TESK2: variants seen among roughly 807,000 people sequenced by gnomAD.
TESK2 encodes testis associated actin remodelling kinase 2, also known as dual specificity testis-specific protein kinase 2.
A neutral mutation model predicts 57.1 loss-of-function variants in TESK2; 39 were observed. The ratio of observed to expected loss-of-function variants is 0.68; its 90% CI spans 0.53 to 0.89. The LOEUF is 0.89. TESK2 is among the 40% of genes least tolerant of loss of function. The pLI is 0.00. For missense variants in TESK2, 646 were observed against 732.1 expected, an observed-to-expected ratio of 0.88 and a Z score of 1.36; for synonymous variants, 249 against 267.9, an observed-to-expected ratio of 0.93 and a Z score of 0.69.
chr1:45,354,117 G>T (rs1390766456), intron 5 of TESK2, among the ~76,000 whole-genome samples: 1 of 152,162 alleles, frequency 6.6e-6, no homozygotes, highest in Non-Finnish European at 1.5e-5. Context: ...TTCCTATAAG[G>T]CAAGAATTTC....
intron 4 of TESK2, among the ~76,000 whole-genome samples, chr1:45,356,040 A>G (rs188939572): frequency 6.6e-6 from 1 of 152,322 alleles, no homozygotes; most frequent in African/African-American, 2.4e-5. Flanking sequence ...TTTAAAGAAA[A>G]TATTATTTTA....
In TESK2 at chr1:45,345,824, A is replaced by G. The variant is rs1647135359; in HGVS notation, c.997+53T>C. 5 of 1,444,910 alleles carry G rather than the reference A, an allele frequency of 3.5e-6. No individual in the cohort carries two copies. The South Asian group carries it at 5.8e-5, about 17-fold the overall frequency. 89.5% of individuals were successfully genotyped at this position (1,444,910 alleles called of 1,614,324 possible). On this transcript the variant is annotated intron_variant, in intron 10 of 10. Transcript: ENST00000372086. ...CAACCCTAAGAGGAGAAGGCCCCACATCCGAATTTCCTCCCTTAGGGTTAG... is the reference window on the plus strand; with the variant it reads ...CAACCCTAAGAGGAGAAGGCCCCACGTCCGAATTTCCTCCCTTAGGGTTAG...
intron 1 of TESK2, among the ~76,000 whole-genome samples, chr1:45,470,521 G>C (rs1293159585): frequency 6.6e-6 from 1 of 152,108 alleles, no homozygotes; most frequent in Non-Finnish European, 1.5e-5. Context: ...ATACACAATG[G>C]CATATATTAG....
chr1:45,346,549 G>T, intron 9 of TESK2, 144 bp downstream of exon 9: 1 of 655,832 alleles, frequency 1.5e-6, no homozygotes. Context: ...CTGCCAGAGG[G>T]AGGAGGAGGA....
chr1:45,437,272 T>C (rs1363470346), intron 2 of TESK2, among the ~76,000 whole-genome samples: 1 of 152,214 alleles, frequency 6.6e-6, no homozygotes, highest in Non-Finnish European at 1.5e-5. Context: ...GGTCTTTCAC[T>C]TTCTTGGTTA....
chr1:45,476,968 A>G (rs1356357513), intron 1 of TESK2, among the ~76,000 whole-genome samples: 1 of 149,190 alleles, frequency 6.7e-6, no homozygotes, highest in Non-Finnish European at 1.5e-5. Context: ...CACCTGGCCG[A>G]TTTTTTAATT....
At chr1:45,485,062 TAAATTAA>T (rs1254074040) in intron 1 of TESK2, among the ~76,000 whole-genome samples, 1 of 151,590 alleles carries the variant, frequency 6.6e-6, no homozygotes, top group African/African-American at 2.4e-5. Flanking sequence ...TAAATCAAAT[TAAATTAA>T]AAATAAAAAA....
chr1:45,410,513 G>A (rs1649996728), intron 3 of TESK2, among the ~76,000 whole-genome samples: 1 of 151,988 alleles, frequency 6.6e-6, no homozygotes, highest in Non-Finnish European at 1.5e-5. Context: ...GCTGAGGCAG[G>A]AGAATCACTT....
At chr1:45,415,231 G>C in intron 3 of TESK2, 1 of 1,474,800 alleles carries the variant, frequency 6.8e-7, no homozygotes. Context: ...CAAGCATGTG[G>C]TCTTTGGCAA....
chr1:45,395,759 C>T (rs913117531), intron 3 of TESK2, among the ~76,000 whole-genome samples: 2 of 151,552 alleles, frequency 1.3e-5, no homozygotes, highest in Admixed American at 6.6e-5. Flanking sequence ...AGGTGTGAGC[C>T]ACCATGCCCA....
At chr1:45,387,219 T>C (rs1648935624) in intron 3 of TESK2, among the ~76,000 whole-genome samples, 2 of 152,140 alleles carry the variant, frequency 1.3e-5, no homozygotes, top group South Asian at 4.1e-4. Flanking sequence ...GTAAATAAAC[T>C]TGATGCTGGT....
At chr1:45,375,008 G>GTCCA (rs1467569605) in intron 4 of TESK2, among the ~76,000 whole-genome samples, 1 of 152,092 alleles carries the variant, frequency 6.6e-6, no homozygotes, top group East Asian at 1.9e-4. Flanking sequence ...TATCATTCTG[G>GTCCA]TCCATTACCA....
At chr1:45,398,993 A>AAC in intron 3 of TESK2, 1 of 433,480 alleles carries the variant, frequency 2.3e-6, no homozygotes, top group African/African-American at 2.1e-5. Context: ...GAAAAAAAAA[A>AAC]AAAAAAAAAA....
intron 3 of TESK2, among the ~76,000 whole-genome samples, chr1:45,404,190 T>C (rs1649741806): frequency 6.6e-6 from 1 of 152,212 alleles, no homozygotes; most frequent in Non-Finnish European, 1.5e-5. Flanking sequence ...TTATTTCTTC[T>C]CCCTCTCCCA....
chr1:45,458,548 G>A (rs942582505), intron 1 of TESK2, among the ~76,000 whole-genome samples: 4 of 149,232 alleles, frequency 2.7e-5, no homozygotes, highest in Admixed American at 2.7e-4. Context: ...CTGGGCAACA[G>A]AGTGAGACAC....
intron 3 of TESK2, among the ~76,000 whole-genome samples, chr1:45,418,486 A>T (rs1650337952): frequency 6.6e-6 from 1 of 152,198 alleles, no homozygotes; most frequent in African/African-American, 2.4e-5. Flanking sequence ...ATTTGACCCA[A>T]TTCTACTTTT....
At chr1:45,376,877 C>T (rs1293977775) in intron 4 of TESK2, among the ~76,000 whole-genome samples, 1 of 152,178 alleles carries the variant, frequency 6.6e-6, no homozygotes, top group African/African-American at 2.4e-5. Context: ...AGAAGCATCA[C>T]ATTATCAGGT....
chr1:45,459,647 G>A (rs914369167), intron 1 of TESK2, among the ~76,000 whole-genome samples: 2 of 152,100 alleles, frequency 1.3e-5, no homozygotes, highest in African/African-American at 4.8e-5. Flanking sequence ...TTTGAAACCA[G>A]TAAGGGCAAC....
intron 3 of TESK2, among the ~76,000 whole-genome samples, chr1:45,419,692 G>A (rs1437807526): frequency 6.6e-6 from 1 of 152,086 alleles, no homozygotes; most frequent in African/African-American, 2.4e-5. Context: ...TGTAATCCCA[G>A]CTACTTGGGA....
Sources: gnomAD v4.1 joint callset for allele counts (sites outside exome capture counted in the v4.1 genomes callset) on GRCh38, gnomAD v4.1.1 for gene constraint, MANE v1.5 for transcripts, NCBI Gene and HGNC (gene_info 2026-07-23, HGNC 2026-07-21) for gene names.